CNEP1R1: variants seen among roughly 807,000 people sequenced by gnomAD.
CNEP1R1 encodes nuclear envelope phosphatase-regulatory subunit 1.
CNEP1R1 carries 10 observed loss-of-function variants against 22.7 expected under a neutral mutation model. The observed-to-expected ratio is 0.44, with a 90% CI of 0.27 to 0.75. The LOEUF (loss-of-function observed/expected upper bound fraction) is 0.75, where lower values mean the gene tolerates loss of function less well. Ranked by LOEUF, CNEP1R1 falls within the 30% of genes least tolerant of loss-of-function variation. The pLI, the probability that CNEP1R1 is intolerant of heterozygous loss-of-function variation, is 0.17. For synonymous variants in CNEP1R1, 53 were observed against 50.1 expected (o/e 1.06, Z -0.25); for missense variants, 73 against 151.5 (o/e 0.48, Z 2.72).
intron 1 of CNEP1R1, among the ~76,000 whole-genome samples, chr16:50,026,008 C>T (rs959916253): frequency 6.6e-6 from 1 of 152,216 alleles, no homozygotes; most frequent in Non-Finnish European, 1.5e-5. Flanking sequence ...TTAGGCACTA[C>T]GTGGTTCTAA....
chr16:50,033,358 A>G (rs773505009), intron 3 of CNEP1R1, 39 bp from the exon 4 acceptor site: 2 of 1,052,726 alleles, frequency 1.9e-6, no homozygotes, highest in African/African-American at 1.6e-5. Flanking sequence ...CCATCCTAAG[A>G]TTTTTAACAT....
In CNEP1R1 at chr16:50,034,046, C is replaced by T. The variant is rs368363645; in HGVS notation, c.282-56C>T. ...GATTACAGGCTTGAGCCACCGCACC[C>T]GGCCTAAAAGCATACTCTTGAAATG... On this transcript the variant is annotated intron_variant, in intron 4 of 5. Transcript: ENST00000427478. 883 of 1,373,336 alleles carry T rather than the reference C, an allele frequency of 6.4e-4. 9 individuals carry two copies. In the African/African-American group the frequency reaches 6.6e-3, roughly 10 times the overall value. The allele number at this position is 1,373,336 out of a possible 1,614,324, so 85.1% of individuals were successfully genotyped here. A position where few individuals can be genotyped will look rare whatever the true frequency, so the allele number is the denominator to read the frequency against.
chr16:50,030,506 C>T (rs1161557931), intron 3 of CNEP1R1, among the ~76,000 whole-genome samples: 1 of 152,184 alleles, frequency 6.6e-6, no homozygotes, highest in African/African-American at 2.4e-5. Flanking sequence ...TAATACCTTT[C>T]TTCATCCCAT....
At chr16:50,029,337 T>C (rs1284288860) in intron 2 of CNEP1R1, among the ~76,000 whole-genome samples, 3 of 152,220 alleles carry the variant, frequency 2.0e-5, no homozygotes, top group Admixed American at 6.5e-5. Context: ...AAAGGAGTCT[T>C]TGATGGTTTG....
At chr16:50,031,701 C>T (rs966643931) in intron 3 of CNEP1R1, among the ~76,000 whole-genome samples, 1 of 152,110 alleles carries the variant, frequency 6.6e-6, no homozygotes, top group East Asian at 1.9e-4. Context: ...TAACCCCAAA[C>T]CTGACAGGAG....
chr16:50,025,559 T>C, intron 1 of CNEP1R1: 1 of 1,323,484 alleles, frequency 7.6e-7, no homozygotes, highest in Non-Finnish European at 1.1e-6. Context: ...GTCGACCTCC[T>C]CGCCAGCTTC....
chr16:50,026,645 C>CT (rs1411471167), intron 2 of CNEP1R1, 178 bp downstream of exon 2: 1 of 587,788 alleles, frequency 1.7e-6, no homozygotes, highest in Non-Finnish European at 3.0e-6. Flanking sequence ...AAAGAACAGT[C>CT]TATTTCGTGT....
chr16:50,033,233 T>A (rs771155757), intron 3 of CNEP1R1, among the ~76,000 whole-genome samples, 164 bp from the exon 4 acceptor site: 1 of 152,162 alleles, frequency 6.6e-6, no homozygotes, highest in African/African-American at 2.4e-5. Flanking sequence ...ACATTTTTAT[T>A]TTTACAACGC....
Position 50,025,299 on chromosome 16 carries a change from C to T in CNEP1R1, c.-17C>T, listed in dbSNP as rs1228629806. ...ATGCGGACAGGGCAGCGGCGGTGACCCGAGCTGCCGCCCGACATGAACTCG... is the reference window on the plus strand; with the variant it reads ...ATGCGGACAGGGCAGCGGCGGTGACTCGAGCTGCCGCCCGACATGAACTCG... On this transcript the variant is annotated 5_prime_UTR_variant, in exon 1 of 6. Coordinates refer to ENST00000427478, the MANE Select transcript of CNEP1R1 (RefSeq NM_001281789.2). 40 of 1,428,116 alleles carry T rather than the reference C, an allele frequency of 2.8e-5. No individual in the cohort carries two copies. In the East Asian group the frequency reaches 9.6e-4, roughly 34 times the overall value. The allele number at this position is 1,428,116 out of a possible 1,614,324, so 88.5% of individuals were successfully genotyped here.
chr16:50,032,155 G>A (rs966116353), intron 3 of CNEP1R1, among the ~76,000 whole-genome samples: 1 of 152,134 alleles, frequency 6.6e-6, no homozygotes, highest in South Asian at 2.1e-4. Context: ...GTGCCTGCGC[G>A]TCTCCTGCTG....
rs763433953 is a variant in CNEP1R1, at chr16:50,025,237, T to A, written c.-79T>A. 9 of 1,340,758 alleles carry A rather than the reference T, an allele frequency of 6.7e-6. No individual in the cohort carries two copies. The highest frequency in any genetic ancestry group is 3.6e-5 in the Admixed American group (1 of 27,818). 83.1% of individuals were successfully genotyped at this position (1,340,758 alleles called of 1,614,324 possible). On this transcript the variant is annotated 5_prime_UTR_variant, in exon 1 of 6. Transcript: ENST00000427478. The stretch of plus-strand genomic sequence containing the variant: ...GCGGGGAGCGGTTAGAGGTGGGAGT[T>A]GGCGCTGCGGGCCGGGCGGGGGCCG...
At chr16:50,033,749 A>T (rs1324321392) in intron 4 of CNEP1R1, among the ~76,000 whole-genome samples, 2 of 151,320 alleles carry the variant, frequency 1.3e-5, no homozygotes, top group African/African-American at 4.9e-5. Context: ...CTGTAGTCCC[A>T]GCTACTCGGG....
intron 5 of CNEP1R1, 147 bp from the exon 6 acceptor site, chr16:50,035,270 C>A: frequency 1.9e-6 from 1 of 534,848 alleles, no homozygotes; most frequent in Non-Finnish European, 3.3e-6. Flanking sequence ...ACAAAGGAAG[C>A]TCTGAAAGCA....
intron 2 of CNEP1R1, 108 bp downstream of exon 2, chr16:50,026,575 T>C (rs1234894384): frequency 3.5e-6 from 3 of 845,730 alleles, no homozygotes; most frequent in Non-Finnish European, 5.7e-6. Flanking sequence ...TTATTTAACA[T>C]TGTAGACAAT....
At chr16:50,033,550 G>A in intron 4 of CNEP1R1, 44 bp downstream of exon 4, 1 of 1,056,690 alleles carries the variant, frequency 9.5e-7, no homozygotes, top group South Asian at 1.3e-5. Context: ...GAAGTGCTTT[G>A]TTGATCTAGG....
chr16:50,026,568 T>C (rs2036185523), intron 2 of CNEP1R1, 101 bp downstream of exon 2: 2 of 973,978 alleles, frequency 2.1e-6, no homozygotes, highest in Admixed American at 4.5e-5. Flanking sequence ...TTTAAATTTA[T>C]TTAACATTGT....
At chr16:50,032,498 G>C (rs1241229765) in intron 3 of CNEP1R1, among the ~76,000 whole-genome samples, 3 of 152,146 alleles carry the variant, frequency 2.0e-5, no homozygotes, top group Non-Finnish European at 4.4e-5. Context: ...TTAGATCTCA[G>C]TAGCTTCAAA....
At chr16:50,026,240 A>G (rs1035331366) in intron 1 of CNEP1R1, 156 bp from the exon 2 acceptor site, 2 of 517,402 alleles carry the variant, frequency 3.9e-6, no homozygotes, top group African/African-American at 1.9e-5. Flanking sequence ...GTCATAGTAA[A>G]TGAAATAAAC....
In CNEP1R1 at chr16:50,026,392, C is replaced by T. The variant is rs781748007; in HGVS notation, c.26-4C>T. The T allele has an allele frequency of 1.2e-6, 2 of 1,600,316 alleles. No homozygotes were observed. Among genetic ancestry groups the T allele is most frequent in the South Asian group, 1.1e-5 (1 of 89,236 alleles). On this transcript the variant is annotated splice_polypyrimidine_tract_variant and splice_region_variant and intron_variant, in intron 1 of 5. Coordinates refer to ENST00000427478, the MANE Select transcript of CNEP1R1 (RefSeq NM_001281789.2). ...AATTAGAAAATTGACATCTTTATAC[C>T]TAGATCTCAAGGCTTTTGAGAGGAG...
Sources: gnomAD v4.1 joint callset for allele counts (sites outside exome capture counted in the v4.1 genomes callset) on GRCh38, gnomAD v4.1.1 for gene constraint, MANE v1.5 for transcripts, NCBI Gene and HGNC (gene_info 2026-07-23, HGNC 2026-07-21) for gene names.